GTF2A1L: variants seen among roughly 807,000 people sequenced by gnomAD.
GTF2A1L encodes general transcription factor IIA subunit 1 like, also known as TFIIA-alpha and beta-like factor.
In GTF2A1L, 48 loss-of-function variants were observed where a neutral mutation model predicts 49.7. That is an observed-to-expected ratio of 0.97 (90% CI 0.77 to 1.23). The LOEUF (loss-of-function observed/expected upper bound fraction) is 1.23, where lower values mean the gene tolerates loss of function less well. Ranked by LOEUF, GTF2A1L falls within the 50% of genes most tolerant of loss-of-function variation. GTF2A1L has a pLI of 0.00. For synonymous variants in GTF2A1L, 246 were observed against 193.5 expected, an observed-to-expected ratio of 1.27 and a Z score of -2.25; for missense variants, 736 against 564.8, an observed-to-expected ratio of 1.30 and a Z score of -3.07.
At chr2:48,643,965 C>G (rs910967404) in intron 4 of GTF2A1L, among the ~76,000 whole-genome samples, 3 of 152,014 alleles carry the variant, frequency 2.0e-5, no homozygotes, top group African/African-American at 7.3e-5. Flanking sequence ...TCCCAAAGTG[C>G]TGGGATTACA....
intron 6 of GTF2A1L, among the ~76,000 whole-genome samples, chr2:48,661,898 G>A (rs530048350): frequency 4.6e-5 from 7 of 152,134 alleles, no homozygotes; most frequent in South Asian, 2.1e-4. Context: ...TTTGCGTTTA[G>A]AGTAATTACT....
intron 3 of GTF2A1L, among the ~76,000 whole-genome samples, chr2:48,621,684 A>G (rs1165682215): frequency 1.3e-5 from 2 of 152,142 alleles, no homozygotes; most frequent in Admixed American, 6.6e-5. Flanking sequence ...TTTTGTGTAT[A>G]TTATAAATCT....
intron 6 of GTF2A1L, among the ~76,000 whole-genome samples, chr2:48,648,032 A>C (rs954306693): frequency 6.6e-6 from 1 of 152,074 alleles, no homozygotes; most frequent in Non-Finnish European, 1.5e-5. Context: ...TATCTTCATG[A>C]TATTTAAATT....
chr2:48,663,177 T>TA (rs1218077650), intron 6 of GTF2A1L, among the ~76,000 whole-genome samples: 1 of 152,186 alleles, frequency 6.6e-6, no homozygotes, highest in African/African-American at 2.4e-5. Flanking sequence ...CTCATACCTG[T>TA]AATCCCAGTA....
chr2:48,666,014 A>G (rs1178386484), intron 6 of GTF2A1L, among the ~76,000 whole-genome samples: 3 of 152,076 alleles, frequency 2.0e-5, no homozygotes, highest in Admixed American at 6.5e-5. Context: ...GTCATCTTCA[A>G]TCGATCCCTT....
intron 6 of GTF2A1L, among the ~76,000 whole-genome samples, chr2:48,668,816 C>A (rs984982232): frequency 6.6e-6 from 1 of 151,012 alleles, no homozygotes; most frequent in Non-Finnish European, 1.5e-5. Context: ...GCCTGGGCGA[C>A]AGAGCGAGAC....
chr2:48,644,937 C>T, intron 4 of GTF2A1L, 96 bp from the exon 5 acceptor site: 4 of 1,060,948 alleles, frequency 3.8e-6, no homozygotes, highest in South Asian at 3.6e-5. Flanking sequence ...AAACTATTGT[C>T]CAGAATCAGA....
chr2:48,651,878 G>A (rs2104226665), intron 6 of GTF2A1L, among the ~76,000 whole-genome samples: 1 of 152,254 alleles, frequency 6.6e-6, no homozygotes, highest in South Asian at 2.1e-4. Context: ...GTTCATTGAT[G>A]ATCTATGTGG....
intron 6 of GTF2A1L, among the ~76,000 whole-genome samples, chr2:48,649,738 C>G (rs1454080101): frequency 6.6e-6 from 1 of 152,204 alleles, no homozygotes; most frequent in African/African-American, 2.4e-5. Context: ...CCACTTAACA[C>G]ATCACCGACT....
intron 6 of GTF2A1L, among the ~76,000 whole-genome samples, chr2:48,656,348 GTTTTTTTTTTTTT>G (rs367837291): frequency 2.6e-5 from 3 of 114,560 alleles, no homozygotes; most frequent in Non-Finnish European, 5.3e-5. Context: ...CTTATTTTCT[GTTTTTTTTTTTTT>G]TTTTTTTTTT....
intron 6 of GTF2A1L, among the ~76,000 whole-genome samples, chr2:48,666,812 C>T (rs547356529): frequency 6.6e-6 from 1 of 152,032 alleles, no homozygotes; most frequent in South Asian, 2.1e-4. Flanking sequence ...AACTTGTTAT[C>T]TGTGCTGAAA....
At chr2:48,626,242 G>C (rs1676284315) in intron 3 of GTF2A1L, among the ~76,000 whole-genome samples, 1 of 143,678 alleles carries the variant, frequency 7.0e-6, no homozygotes, top group Non-Finnish European at 1.6e-5. Flanking sequence ...GTCTGTTTTT[G>C]TCAGTGCCAT....
chr2:48,666,833 G>A (rs1225536188), intron 6 of GTF2A1L, among the ~76,000 whole-genome samples: 1 of 151,692 alleles, frequency 6.6e-6, no homozygotes, highest in Non-Finnish European at 1.5e-5. Context: ...TTCTTTATTT[G>A]TTCATGGATT....
chr2:48,666,857 T>C (rs1176547632), intron 6 of GTF2A1L, among the ~76,000 whole-genome samples: 1 of 152,168 alleles, frequency 6.6e-6, no homozygotes, highest in Non-Finnish European at 1.5e-5. Flanking sequence ...TTCCACTTTT[T>C]TCCCTAAATT....
chr2:48,664,857 G>T (rs1048980942), intron 6 of GTF2A1L, among the ~76,000 whole-genome samples: 2 of 151,986 alleles, frequency 1.3e-5, no homozygotes, highest in Non-Finnish European at 2.9e-5. Context: ...CTGTTTGCTT[G>T]TGTCTTCTGT....
At chr2:48,675,440 T>TTAA in intron 8 of GTF2A1L, among the ~76,000 whole-genome samples, 1 of 152,120 alleles carries the variant, frequency 6.6e-6, no homozygotes, top group Admixed American at 6.5e-5. Context: ...AATTTAGAGA[T>TTAA]TAACAATTGG....
intron 4 of GTF2A1L, among the ~76,000 whole-genome samples, chr2:48,643,127 T>C (rs1197075087): frequency 3.3e-5 from 5 of 152,172 alleles, no homozygotes; most frequent in South Asian, 2.1e-4. Context: ...AGATTTTTTT[T>C]CCCCTCTAGA....
chr2:48,645,209 A>G, intron 5 of GTF2A1L, 92 bp downstream of exon 5: 1 of 1,088,432 alleles, frequency 9.2e-7, no homozygotes, highest in East Asian at 2.7e-5. Flanking sequence ...ACTATATACC[A>G]GAAGTTATAA....
intron 3 of GTF2A1L, among the ~76,000 whole-genome samples, chr2:48,641,364 C>A (rs937589519): frequency 2.0e-5 from 3 of 152,042 alleles, no homozygotes; most frequent in African/African-American, 7.2e-5. Flanking sequence ...GTTGTCTTAA[C>A]GTGGAAGGAA....
Sources: gnomAD v4.1 joint callset for allele counts (sites outside exome capture counted in the v4.1 genomes callset) on GRCh38, gnomAD v4.1.1 for gene constraint, MANE v1.5 for transcripts, NCBI Gene and HGNC (gene_info 2026-07-23, HGNC 2026-07-21) for gene names.